The following NRXN3 variants were observed in gnomAD, a reference collection of about 807,000 sequenced individuals.
NRXN3 encodes neurexin 3.
NRXN3 carries 32 observed loss-of-function variants against 137.6 expected under a neutral mutation model. The ratio of observed to expected loss-of-function variants is 0.23; its 90% CI spans 0.18 to 0.31. The LOEUF (loss-of-function observed/expected upper bound fraction) is 0.31. Among genes scored for constraint, NRXN3 ranks in the 10% least tolerant of loss-of-function variants. The pLI is 1.00. For missense variants in NRXN3, 1,574 were observed against 2,062.5 expected (o/e 0.76, Z 4.59); for synonymous variants, 798 against 784.5 (o/e 1.02, Z -0.29).
At chr14:79,298,259 G>C (rs1464741277) in intron 15 of NRXN3, among the ~76,000 whole-genome samples, 1 of 152,044 alleles carries the variant, frequency 6.6e-6, no homozygotes, top group African/African-American at 2.4e-5. Context: ...GCTAATTTCT[G>C]TGGTATTTCT....
chr14:78,307,426 G>T (rs576606554), intron 4 of NRXN3, among the ~76,000 whole-genome samples: 1 of 151,916 alleles, frequency 6.6e-6, no homozygotes, highest in Non-Finnish European at 1.5e-5. Context: ...CAGTAGGCAG[G>T]CTCTAGATTG....
intron 15 of NRXN3, among the ~76,000 whole-genome samples, chr14:79,288,174 T>G (rs1269248562): frequency 6.6e-6 from 1 of 152,232 alleles, no homozygotes; most frequent in Non-Finnish European, 1.5e-5. Context: ...AGCAGCATAA[T>G]GTACCAGAGT....
chr14:78,983,406 C>G (rs532688736), intron 14 of NRXN3, among the ~76,000 whole-genome samples: 7 of 152,262 alleles, frequency 4.6e-5, no homozygotes, highest in African/African-American at 1.7e-4. Flanking sequence ...GGTGTTCATC[C>G]TCAGATGAAT....
intron 15 of NRXN3, among the ~76,000 whole-genome samples, chr14:79,116,927 A>C (rs540789887): frequency 1.3e-5 from 2 of 152,342 alleles, no homozygotes; most frequent in South Asian, 4.1e-4. Flanking sequence ...CTTGTCAAAG[A>C]TTTCTGCAAC....
intron 10 of NRXN3, among the ~76,000 whole-genome samples, chr14:78,825,018 G>A (rs1188718817): frequency 6.6e-6 from 1 of 151,840 alleles, no homozygotes; most frequent in Non-Finnish European, 1.5e-5. Context: ...GTTGTTCAAA[G>A]AGACATTTAA....
chr14:78,896,909 A>G (rs2099177855), intron 10 of NRXN3, among the ~76,000 whole-genome samples: 1 of 151,914 alleles, frequency 6.6e-6, no homozygotes, highest in South Asian at 2.1e-4. Flanking sequence ...AGGGGATTCA[A>G]TTTGGTAAGC....
intron 16 of NRXN3, among the ~76,000 whole-genome samples, chr14:79,525,651 G>A (rs1344701031): frequency 6.6e-6 from 1 of 152,150 alleles, no homozygotes; most frequent in African/African-American, 2.4e-5. Flanking sequence ...TTTTCATTGC[G>A]TGGTATTCAT....
At chr14:78,627,944 A>G (rs2097483042) in intron 4 of NRXN3, among the ~76,000 whole-genome samples, 1 of 152,180 alleles carries the variant, frequency 6.6e-6, no homozygotes. Flanking sequence ...AGCCCTTGGA[A>G]CTCATCCAAA....
chr14:79,450,142 T>C (rs1424580558), intron 15 of NRXN3, among the ~76,000 whole-genome samples: 1 of 152,088 alleles, frequency 6.6e-6, no homozygotes, highest in Non-Finnish European at 1.5e-5. Context: ...CCTAGAGTAA[T>C]TCTTACTTCC....
intron 15 of NRXN3, among the ~76,000 whole-genome samples, chr14:79,213,758 C>A (rs2068064399): frequency 6.6e-6 from 1 of 152,102 alleles, no homozygotes; most frequent in Non-Finnish European, 1.5e-5. Flanking sequence ...TAGCACATAG[C>A]CATCTGCTCG....
chr14:79,487,548 T>C (rs1487243123), intron 16 of NRXN3, among the ~76,000 whole-genome samples: 1 of 152,194 alleles, frequency 6.6e-6, no homozygotes, highest in Non-Finnish European at 1.5e-5. Context: ...ACAGATTCCA[T>C]GGTTTCCTTT....
At chr14:79,710,119 A>G (rs2098797703) in intron 19 of NRXN3, among the ~76,000 whole-genome samples, 3 of 152,170 alleles carry the variant, frequency 2.0e-5, no homozygotes, top group African/African-American at 7.2e-5. Context: ...AGTCAAAAAT[A>G]ATAGATGCCT....
chr14:78,173,147 T>C (rs1050335434), intron 1 of NRXN3, among the ~76,000 whole-genome samples: 1 of 151,926 alleles, frequency 6.6e-6, no homozygotes, highest in African/African-American at 2.4e-5. Flanking sequence ...GTAGATGAGA[T>C]GCTACAGCAA....
intron 15 of NRXN3, among the ~76,000 whole-genome samples, chr14:79,347,439 T>TG (rs2092945746): frequency 1.3e-5 from 2 of 151,814 alleles, no homozygotes; most frequent in South Asian, 4.2e-4. Flanking sequence ...TTTTTTTTTT[T>TG]GAAACAGAGT....
chr14:78,665,743 A>G (rs1478819487), intron 6 of NRXN3, among the ~76,000 whole-genome samples: 1 of 152,208 alleles, frequency 6.6e-6, no homozygotes, highest in Non-Finnish European at 1.5e-5. Flanking sequence ...TAAAGCAAGG[A>G]AAGCTTGGCA....
chr14:79,695,038 G>C (rs140305066), intron 18 of NRXN3, among the ~76,000 whole-genome samples: 191 of 152,060 alleles, frequency 1.3e-3, no homozygotes, highest in African/African-American at 4.4e-3. Context: ...TGGGAAAGTA[G>C]CTGTAGTCAG....
chr14:79,344,787 C>G (rs563556498), intron 15 of NRXN3, among the ~76,000 whole-genome samples: 1 of 152,260 alleles, frequency 6.6e-6, no homozygotes, highest in African/African-American at 2.4e-5. Context: ...GACAATATAA[C>G]TCTTTGTAAC....
rs2092292797 is a variant in NRXN3, at chr14:78,403,867, C to T, written c.757+106007C>T. 9.1e-6 allele frequency: 9 copies of T among 985,182 alleles called. No individual in the cohort carries two copies. The South Asian group carries it at 1.4e-4, about 15-fold the overall frequency. The allele number at this position is 985,182 out of a possible 1,614,324, so 61.0% of individuals were successfully genotyped here. ...TTCCATTCCTGCAGTGAAATTAACT[C>T]GAGCTTGGCAGGTAAGTCTTTCGGC... On this transcript the variant is annotated intron_variant, in intron 4 of 20. Coordinates refer to ENST00000335750, the MANE Select transcript of NRXN3 (RefSeq NM_001330195.2).
Position 79,720,900 on chromosome 14 carries a change from T to G in NRXN3, c.4014+22963T>G, listed in dbSNP as rs577921898. ...ATATTTTTAATATTATTAAAATAAA[T>G]AAATGATTAAAGTAGGGAGCATGTT... is the stretch of plus-strand genomic sequence containing the variant. On this transcript the variant is annotated intron_variant, in intron 19 of 20. Transcript: ENST00000335750. Among the ~76,000 whole-genome samples, 4 of 152,076 alleles carry G rather than the reference T, an allele frequency of 2.6e-5. No individual in the cohort carries two copies. In the South Asian group the frequency reaches 8.3e-4, roughly 31 times the overall value.
Sources: allele counts gnomAD v4.1 joint callset (sites outside exome capture counted in the v4.1 genomes callset), GRCh38; gene constraint gnomAD v4.1.1; transcripts MANE v1.5; gene names NCBI Gene and HGNC (gene_info 2026-07-23, HGNC 2026-07-21).